GFI1B: variants seen among roughly 807,000 people sequenced by gnomAD.
GFI1B encodes growth factor independent 1B transcriptional repressor, also known as zinc finger protein Gfi-1b.
Under a neutral mutation model 35.3 loss-of-function variants are expected in GFI1B, and 20 were observed. That is an observed-to-expected ratio of 0.57 (90% CI 0.40 to 0.82). The LOEUF is 0.82. Among genes scored for constraint, GFI1B ranks in the 40% least tolerant of loss-of-function variants. The probability of loss-of-function intolerance (pLI) is 0.00; values close to 1 mark genes in which losing one functional copy is unlikely to be tolerated. For missense variants in GFI1B, 430 were observed against 446.3 expected (o/e 0.96, Z 0.33); for synonymous variants, 178 against 177.6 (o/e 1.00, Z -0.02).
At chr9:132,974,412 C>T (rs1159231017), upstream of GFI1B, among the ~76,000 whole-genome samples, 1 of 151,704 alleles carries the variant, frequency 6.6e-6, no homozygotes, top group Admixed American at 6.6e-5. Context: ...CTAGCCTGGC[C>T]AACATGGTGA....
chr9:132,969,019 T>C (rs1848492141), intron 1 of GFI1B, among the ~76,000 whole-genome samples: 1 of 151,618 alleles, frequency 6.6e-6, no homozygotes, highest in South Asian at 2.1e-4. Context: ...CCACTTCCTG[T>C]CTCTATGATT....
chr9:132,957,824 A>T (rs922722364), intron 1 of GFI1B, among the ~76,000 whole-genome samples: 3 of 152,198 alleles, frequency 2.0e-5, no homozygotes, highest in Admixed American at 2.0e-4. Flanking sequence ...CATGGCTGTA[A>T]CCAAGCATGC....
chr9:132,989,183 G>C lies in GFI1B; in HGVS notation c.633G>C (p.Thr211=). 6.2e-7 allele frequency: 1 copy of C among 1,613,314 alleles called. No individual in the cohort carries two copies. The highest frequency in any genetic ancestry group is 8.5e-7 in the Non-Finnish European group (1 of 1,179,770). Residue 211 remains threonine (T), a synonymous_variant, in exon 5 of 7, where the codon ACG becomes ACC. Transcript: ENST00000372122. This position sits in a 1 kb window ranked among gnomAD's most constrained non-coding sequence, Gnocchi z 6.2. ...ACGCTGTGAGCCTGGAGCAGCACAC[G>C]CACGTCCACTCCCAGGTGGGCACCT... is the stretch of plus-strand genomic sequence containing the variant. ...FGHAVSLEQH[T]HVHSQERSFE... is the part of the protein sequence containing the mutation.
intron 1 of GFI1B, among the ~76,000 whole-genome samples, chr9:132,956,438 T>C (rs555956483): frequency 1.2e-4 from 19 of 152,328 alleles, no homozygotes; most frequent in African/African-American, 4.6e-4. Context: ...ATATGAATGT[T>C]GGCAAAAGTG....
In GFI1B at chr9:132,989,288, C is replaced by A; in HGVS notation, c.648+90C>A. On this transcript the variant is annotated intron_variant, in intron 5 of 6. Transcript: ENST00000372122. This position sits in a 1 kb window ranked among gnomAD's most constrained non-coding sequence, Gnocchi z 6.2. Reference sequence around the variant, plus strand: ...TGGGGGCTGTGGCTGGGTCCCTCCCCCTGCCCCTGGGGGTGACACAGATTG... The same window carrying A: ...TGGGGGCTGTGGCTGGGTCCCTCCCACTGCCCCTGGGGGTGACACAGATTG... 2 of 1,330,124 alleles carry A rather than the reference C, an allele frequency of 1.5e-6. No homozygotes were observed. Among genetic ancestry groups the A allele is most frequent in the Non-Finnish European group, 2.1e-6 (2 of 939,490 alleles). 82.4% of individuals were successfully genotyped at this position (1,330,124 alleles called of 1,614,324 possible). A position where few individuals can be genotyped will look rare whatever the true frequency, so the allele number is the denominator to read the frequency against.
rs147973999 is a variant in GFI1B at position 132,991,038 on chromosome 9, C to T, written c.981C>T (p.His327=). The part of the protein sequence containing the change: ...VDLRRHRESQ[H]NLK ...TGCGGCGGCACCGCGAGAGCCAGCA[C>T]AATCTCAAGTGAGGCTGCGCCGGCT... The change falls in exon 7 of 7, where the codon CAC becomes CAT. Residue 327 remains histidine (H), a synonymous_variant. Transcript: ENST00000372122. The T allele has an allele frequency of 5.0e-6, 8 of 1,613,700 alleles. No homozygotes were observed. The African/African-American group carries it at 1.1e-4, about 22-fold the overall frequency.
intron 2 of GFI1B, 22 bp downstream of exon 2, chr9:132,986,800 C>T (rs1364889131): frequency 1.5e-5 from 22 of 1,489,240 alleles, no homozygotes; most frequent in Middle Eastern, 1.8e-4. Context: ...CCCGGGCTGG[C>T]GCCTGCTGCA....
intron 2 of GFI1B, among the ~76,000 whole-genome samples, chr9:132,972,902 C>G (rs902442468): frequency 6.6e-6 from 1 of 152,134 alleles, no homozygotes; most frequent in East Asian, 1.9e-4. Flanking sequence ...GCCTGCAGCC[C>G]CCGGTAAGGA....
intron 6 of GFI1B, among the ~76,000 whole-genome samples, chr9:132,990,250 C>T (rs1849244648): frequency 6.7e-6 from 1 of 148,394 alleles, no homozygotes; most frequent in African/African-American, 2.5e-5. Flanking sequence ...CACTCATTTG[C>T]TCATTCATTT....
intron 1 of GFI1B, among the ~76,000 whole-genome samples, chr9:132,957,290 T>A (rs1195987700): frequency 6.6e-6 from 1 of 152,224 alleles, no homozygotes; most frequent in East Asian, 1.9e-4. Flanking sequence ...AAATAGCAGA[T>A]CCTTCTCTGG....
chr9:132,956,488 G>A (rs1239969271), intron 1 of GFI1B, among the ~76,000 whole-genome samples: 1 of 152,216 alleles, frequency 6.6e-6, no homozygotes, highest in Non-Finnish European at 1.5e-5. Context: ...TCCTAAAGGT[G>A]CCAGTCCCAG....
Position 132,991,117 on chromosome 9 carries a change from C to G in GFI1B, c.*67C>G. 3 of 1,411,946 alleles carry G rather than the reference C, an allele frequency of 2.1e-6. No homozygotes were observed. Among genetic ancestry groups the G allele is most frequent in the Non-Finnish European group, 3.0e-6 (3 of 1,008,400 alleles). 87.5% of individuals were successfully genotyped at this position (1,411,946 alleles called of 1,614,324 possible). On this transcript the variant is annotated 3_prime_UTR_variant, in exon 7 of 7. Transcript: ENST00000372122. The stretch of plus-strand genomic sequence containing the variant: ...TCCTGTCACCTGGAGGCCAGCCTCA[C>G]ATGCCCAAATCTCCAGTCTCCTGGA...
upstream of GFI1B, among the ~76,000 whole-genome samples, chr9:132,975,711 T>C (rs985200010): frequency 1.3e-5 from 2 of 152,226 alleles, no homozygotes; most frequent in African/African-American, 2.4e-5. Flanking sequence ...AAAGAGCTGA[T>C]ACACGAAAGG....
At chr9:132,951,399 A>G (rs1848199815) in intron 1 of GFI1B, 1 of 152,260 alleles carries the variant, frequency 6.6e-6, no homozygotes, top group Non-Finnish European at 1.5e-5. Flanking sequence ...GGGACCCTTG[A>G]CAGTGGAGGA....
Position 132,989,316 on chromosome 9 carries a change from A to C in GFI1B, c.648+118A>C. ...GCCCCTGGGGGTGACACAGATTGGG[A>C]GGGGTCCCCTAGTACCCACCTCCCT... On this transcript the variant is annotated intron_variant, in intron 5 of 6. Coordinates refer to ENST00000372122, the MANE Select transcript of GFI1B (RefSeq NM_001377304.1). The surrounding 1 kb of genome is among the most constrained non-coding windows in gnomAD (Gnocchi z 6.2). 1 of 1,033,240 alleles carries C rather than the reference A, an allele frequency of 9.7e-7. No homozygotes were observed. Among genetic ancestry groups the C allele is most frequent in the South Asian group, 1.3e-5 (1 of 76,056 alleles). 64.0% of individuals were successfully genotyped at this position (1,033,240 alleles called of 1,614,324 possible).
rs962389877 is a variant in GFI1B, at chr9:132,991,220, C to T, written c.*170C>T. ...GTGTGACCTTGGGCAAGTCACTTAC[C>T]CTGTCTGGATCAACATTTCTCCTGC... On this transcript the variant is annotated 3_prime_UTR_variant, in exon 7 of 7. Coordinates refer to ENST00000372122, the MANE Select transcript of GFI1B (RefSeq NM_001377304.1). The T allele has an allele frequency of 1.5e-6, 1 of 647,860 alleles. No individual in the cohort carries two copies. Among genetic ancestry groups the T allele is most frequent in the Non-Finnish European group, 2.7e-6 (1 of 366,910 alleles). The allele number at this position is 647,860 out of a possible 1,614,324, so 40.1% of individuals were successfully genotyped here. A position where few individuals can be genotyped will look rare whatever the true frequency, so the allele number is the denominator to read the frequency against.
intron 1 of GFI1B, among the ~76,000 whole-genome samples, chr9:132,954,973 T>C (rs1848261352): frequency 6.6e-6 from 1 of 152,136 alleles, no homozygotes; most frequent in Admixed American, 6.5e-5. Context: ...CACCTTGGCC[T>C]CCCAAACTGC....
At chr9:132,988,968 G>A in intron 4 of GFI1B, 93 bp from the exon 5 acceptor site, 1 of 1,247,536 alleles carries the variant, frequency 8.0e-7, no homozygotes, top group Non-Finnish European at 1.2e-6. Context: ...ACCCAGCCTT[G>A]GCCAGAGCTG....
chr9:132,964,206 C>G (rs1236774386), intron 1 of GFI1B, among the ~76,000 whole-genome samples: 1 of 152,182 alleles, frequency 6.6e-6, no homozygotes, highest in African/African-American at 2.4e-5. Context: ...CGCCATTGCA[C>G]TCCAGCCTGG....
Sources: allele counts gnomAD v4.1 joint callset (sites outside exome capture counted in the v4.1 genomes callset), GRCh38; gene constraint gnomAD v4.1.1; non-coding constraint Gnocchi (gnomAD v3.1); transcripts MANE v1.5; gene names NCBI Gene and HGNC (gene_info 2026-07-23, HGNC 2026-07-21).